DOCK9: variants seen among roughly 807,000 people sequenced by gnomAD.
DOCK9 encodes the protein dedicator of cytokinesis 9.
In DOCK9, 89 loss-of-function variants were observed where a neutral mutation model predicts 263.3. The observed-to-expected ratio is 0.34, with a 90% CI of 0.28 to 0.40. DOCK9 has a LOEUF of 0.40. Among genes scored for constraint, DOCK9 ranks in the 10% least tolerant of loss-of-function variants. The pLI, the probability that DOCK9 is intolerant of heterozygous loss-of-function variation, is 1.00. For synonymous variants in DOCK9, 976 were observed against 973.1 expected (o/e 1.00, Z -0.06); for missense variants, 2,140 against 2,603.4 (o/e 0.82, Z 3.87).
chr13:99,084,177 G>A (rs2042238851), intron 1 of DOCK9, among the ~76,000 whole-genome samples: 1 of 152,212 alleles, frequency 6.6e-6, no homozygotes, highest in African/African-American at 2.4e-5. Flanking sequence ...GGCAGACACT[G>A]GAGCCACTAG....
At chr13:98,950,633 C>T (rs891669434) in intron 2 of DOCK9, among the ~76,000 whole-genome samples, 1 of 152,198 alleles carries the variant, frequency 6.6e-6, no homozygotes, top group African/African-American at 2.4e-5. Context: ...TCCATACAAG[C>T]TCTGTCCTCT....
chr13:98,830,969 C>A (rs1241451515), intron 41 of DOCK9, among the ~76,000 whole-genome samples: 1 of 152,204 alleles, frequency 6.6e-6, no homozygotes, highest in African/African-American at 2.4e-5. Flanking sequence ...TGCTTTAATT[C>A]TGCAGAGATA....
intron 1 of DOCK9, among the ~76,000 whole-genome samples, chr13:99,003,349 C>T (rs1882739496): frequency 6.6e-6 from 1 of 152,180 alleles, no homozygotes; most frequent in African/African-American, 2.4e-5. Context: ...GGCTCCTTTC[C>T]CAGCTCCTTC....
At chr13:98,809,244 A>G (rs2091043154) in intron 47 of DOCK9, 108 bp downstream of exon 47, 1 of 1,252,972 alleles carries the variant, frequency 8.0e-7, no homozygotes, top group Non-Finnish European at 1.1e-6. Flanking sequence ...CAATTACAGA[A>G]AACAGAGAAT....
At chr13:98,807,894 A>G in intron 47 of DOCK9, 87 bp from the exon 48 acceptor site, 1 of 1,175,562 alleles carries the variant, frequency 8.5e-7, no homozygotes, top group East Asian at 2.5e-5. Context: ...ACAAGGGGGA[A>G]AAAAAGGAAT....
At chr13:99,031,383 A>G (rs1308711441) in intron 1 of DOCK9, among the ~76,000 whole-genome samples, 2 of 152,234 alleles carry the variant, frequency 1.3e-5, no homozygotes, top group Non-Finnish European at 2.9e-5. Flanking sequence ...CTGAAATATG[A>G]GCCAGGGCTC....
At chr13:98,839,100 G>A (rs934996518) in intron 38 of DOCK9, among the ~76,000 whole-genome samples, 1 of 152,210 alleles carries the variant, frequency 6.6e-6, no homozygotes, top group Non-Finnish European at 1.5e-5. Context: ...AAATGCTGTT[G>A]TGTGCTTTTA....
chr13:99,015,675 C>T, intron 1 of DOCK9: 1 of 1,497,020 alleles, frequency 6.7e-7, no homozygotes, highest in Non-Finnish European at 8.9e-7. Flanking sequence ...TTCCTTGGCT[C>T]TTCCGAAACA....
chr13:98,914,327 C>T lies in DOCK9; in HGVS notation c.960+1G>A, dbSNP rs746629509. The T allele has an allele frequency of 2.5e-6, 4 of 1,607,310 alleles. No individual in the cohort carries two copies. Among genetic ancestry groups the T allele is most frequent in the African/African-American group, 1.3e-5 (1 of 74,950 alleles). ...GAGCAGAAGATATAAGACGATGTTA[C>T]CTTGGCAAGTTCCGGCAGGTAGCTA... On this transcript the variant is annotated splice_donor_variant, in intron 9 of 52. Transcript: ENST00000682017. LOFTEE classifies it high-confidence loss of function.
intron 9 of DOCK9, among the ~76,000 whole-genome samples, chr13:98,906,728 T>A (rs1311832540): frequency 6.6e-6 from 1 of 152,194 alleles, no homozygotes. Context: ...ACGATTGTTG[T>A]ATATAATAGG....
intron 7 of DOCK9, among the ~76,000 whole-genome samples, chr13:98,916,779 G>GA (rs566208438): frequency 6.6e-6 from 1 of 152,168 alleles, no homozygotes; most frequent in South Asian, 2.1e-4. Flanking sequence ...TAAAAGTGGA[G>GA]AAAAAAACAT....
At chr13:98,862,407 G>A in intron 32 of DOCK9, among the ~76,000 whole-genome samples, 1 of 152,160 alleles carries the variant, frequency 6.6e-6, no homozygotes, top group East Asian at 1.9e-4. Flanking sequence ...GAAGAGAGGG[G>A]ACTGGGCACG....
chr13:98,957,456 G>A (rs1365183787), intron 1 of DOCK9, among the ~76,000 whole-genome samples: 2 of 151,806 alleles, frequency 1.3e-5, no homozygotes, highest in Non-Finnish European at 2.9e-5. Context: ...TTATAATTAA[G>A]TAAAATATGT....
chr13:99,069,555 C>G (rs923256059), intron 1 of DOCK9, among the ~76,000 whole-genome samples: 2 of 152,094 alleles, frequency 1.3e-5, no homozygotes, highest in East Asian at 1.9e-4. Context: ...TTCACTGGAC[C>G]AGGAGTTGGC....
At chr13:98,921,924 C>T in intron 6 of DOCK9, 127 bp downstream of exon 6, 1 of 827,762 alleles carries the variant, frequency 1.2e-6, no homozygotes, top group South Asian at 1.8e-5. Flanking sequence ...AGGGGAGCAT[C>T]CTAGGAATCA....
intron 1 of DOCK9, among the ~76,000 whole-genome samples, chr13:98,974,808 A>G (rs1309987053): frequency 6.6e-6 from 1 of 151,882 alleles, no homozygotes; most frequent in East Asian, 1.9e-4. Flanking sequence ...AAAGAAAAAG[A>G]AATACTAACT....
upstream of DOCK9, among the ~76,000 whole-genome samples, chr13:98,980,568 G>A (rs561911905): frequency 6.6e-6 from 1 of 152,342 alleles, no homozygotes; most frequent in East Asian, 1.9e-4. Context: ...AGGTAAAAAG[G>A]TCTTTAGATG....
chr13:99,039,457 CTG>C lies in DOCK9; in HGVS notation c.129+46764_129+46765del, dbSNP rs199551808. On this transcript the variant is annotated intron_variant, in intron 1 of 32. Transcript: ENST00000427887. ...AGGAAAACCCTGCTCTTAAATGAAA[CTG>C]TGGGAAAATGTTACAAAGAAGAAAA... Among the ~76,000 whole-genome samples the C allele has an allele frequency of 6.2e-4, 94 of 152,250 alleles. No individual in the cohort carries two copies. In the South Asian group the frequency reaches 7.7e-3, roughly 12 times the overall value.
intron 1 of DOCK9, among the ~76,000 whole-genome samples, chr13:99,076,855 AAAAT>A (rs1297534269): frequency 6.6e-6 from 1 of 152,280 alleles, no homozygotes; most frequent in Admixed American, 6.5e-5. Context: ...CAAATGTACA[AAAAT>A]AAATAAATAA....
Sources: gnomAD v4.1 joint callset for allele counts (sites outside exome capture counted in the v4.1 genomes callset) on GRCh38, gnomAD v4.1.1 for gene constraint, MANE v1.5 for transcripts, NCBI Gene and HGNC (gene_info 2026-07-23, HGNC 2026-07-21) for gene names.